USP45: variants seen among roughly 807,000 people sequenced by gnomAD.
The protein encoded by USP45 is ubiquitin specific peptidase 45, also known as ubiquitin carboxyl-terminal hydrolase 45.
In USP45, 89 loss-of-function variants were observed where a neutral mutation model predicts 95.8. The ratio of observed to expected loss-of-function variants is 0.93; its 90% CI spans 0.78 to 1.11. The LOEUF (loss-of-function observed/expected upper bound fraction) is 1.11. USP45 is among the 50% of genes least tolerant of loss of function. USP45 has a pLI of 0.00. For missense variants in USP45, 898 were observed against 942.5 expected, an observed-to-expected ratio of 0.95 and a Z score of 0.62; for synonymous variants, 281 against 316.2, an observed-to-expected ratio of 0.89 and a Z score of 1.18.
rs570946290 is a variant in USP45, at chr6:99,454,548, A to G, written c.1309-8085T>C. Among the ~76,000 whole-genome samples, 10 of 152,348 alleles carry G rather than the reference A, an allele frequency of 6.6e-5. No homozygotes were observed. The South Asian group carries it at 2.1e-3, about 32-fold the overall frequency. On this transcript the variant is annotated intron_variant, in intron 13 of 17. Transcript: ENST00000500704. ...AAAATATCTGCAAACTCTTCATCCT[A>G]TAAGGAACTAATGTTAGACATTTCC... is the stretch of plus-strand genomic sequence containing the variant.
chr6:99,481,471 C>T (rs1792401487), intron 8 of USP45, among the ~76,000 whole-genome samples: 2 of 152,252 alleles, frequency 1.3e-5, no homozygotes, highest in South Asian at 2.1e-4. Flanking sequence ...AAGTCAGAAA[C>T]AAATTTCTAA....
At chr6:99,453,137 T>C (rs1784262640) in intron 13 of USP45, among the ~76,000 whole-genome samples, 1 of 143,608 alleles carries the variant, frequency 7.0e-6, no homozygotes, top group Non-Finnish European at 1.5e-5. Context: ...GTAACAAACC[T>C]GCACGTTGTG....
chr6:99,453,654 A>G (rs1419519555), intron 13 of USP45, among the ~76,000 whole-genome samples: 1 of 152,236 alleles, frequency 6.6e-6, no homozygotes, highest in Non-Finnish European at 1.5e-5. Context: ...AGAAAAAACA[A>G]TCCTAAAATA....
chr6:99,455,568 A>G (rs1380147445), intron 13 of USP45, among the ~76,000 whole-genome samples: 2 of 152,158 alleles, frequency 1.3e-5, no homozygotes, highest in East Asian at 3.8e-4. Flanking sequence ...TCAAAAGGAT[A>G]CTTGCACCCC....
At position 99,510,185 on chromosome 6, in the gene USP45, C is replaced by G; in HGVS notation, c.36G>C (p.Glu12Asp). The change falls in exon 2 of 18, where the codon GAG becomes GAC. Residue 12 changes from glutamate to aspartate, a missense_variant. Coordinates refer to ENST00000500704, the MANE Select transcript of USP45 (RefSeq NM_001346022.3). ...RVKDPTKALP[E>D]KAKRSKRPTV... The stretch of plus-strand genomic sequence containing the variant: ...TAGGCCTTTTACTTCTTTTGGCTTT[C>G]TCAGGTAAAGCTTTAGTTGGATCTT... The G allele has an allele frequency of 6.2e-6, 10 of 1,613,954 alleles. No individual in the cohort carries two copies. The highest frequency in any genetic ancestry group is 7.6e-6 in the Non-Finnish European group (9 of 1,179,904).
intron 9 of USP45, 99 bp downstream of exon 9, chr6:99,476,044 T>C: frequency 3.8e-6 from 4 of 1,064,566 alleles, no homozygotes; most frequent in South Asian, 1.5e-5. Context: ...CTGAAACTCC[T>C]GACCTCAGAT....
In USP45 at chr6:99,439,359, C is replaced by T. The variant is rs1171901489; in HGVS notation, c.2160+410G>A. ...GACAAGTACACCACTCTCAGTAGTA[C>T]ACATGAAGTGGCACGAAAGACAATT... On this transcript the variant is annotated intron_variant, in intron 16 of 17. Coordinates refer to ENST00000500704, the MANE Select transcript of USP45 (RefSeq NM_001346022.3). 2.0e-5 allele frequency among the ~76,000 whole-genome samples: 3 copies of T among 152,316 alleles called. No individual in the cohort carries two copies. The South Asian group carries it at 6.2e-4, about 32-fold the overall frequency.
intron 13 of USP45, among the ~76,000 whole-genome samples, chr6:99,460,266 A>G (rs1562338225): frequency 6.6e-6 from 1 of 152,198 alleles, no homozygotes; most frequent in Non-Finnish European, 1.5e-5. Flanking sequence ...TTATTAAAAG[A>G]TGCAAGGAGC....
chr6:99,509,985 T>C, intron 2 of USP45, 136 bp downstream of exon 2: 1 of 668,072 alleles, frequency 1.5e-6, no homozygotes, highest in Admixed American at 2.5e-5. Context: ...AAGAATAGTG[T>C]ATTTTCCATC....
Position 99,508,729 on chromosome 6 carries a change from T to C in USP45, c.154A>G (p.Arg52Gly). Residue 52 changes from arginine to glycine, a missense_variant, in exon 3 of 18, where the codon AGA becomes GGA. Arg to Gly is a moderately radical substitution (Grantham distance 125, BLOSUM62 -2). Transcript: ENST00000500704. Reference protein sequence around the residue: ...SHAISVNHVKRAIAENLWSVC... With the variant: ...SHAISVNHVKGAIAENLWSVC... ...GACCACAGATTCTCAGCTATTGCTC[T>C]CTTTACATGATTCACGCTGATAGCA... The C allele has an allele frequency of 6.2e-7, 1 of 1,613,746 alleles. No individual in the cohort carries two copies. Among genetic ancestry groups the C allele is most frequent in the Non-Finnish European group, 8.5e-7 (1 of 1,179,904 alleles).
In USP45 at chr6:99,432,521, T is replaced by C. The variant is rs1779860873; in HGVS notation, c.*3195A>G. ...AACGCTCAATAAGTTACACAGCTGTTTTCTAGAAACATGGCAAAAGAAAAA... is the reference window on the plus strand; with the variant it reads ...AACGCTCAATAAGTTACACAGCTGTCTTCTAGAAACATGGCAAAAGAAAAA... On this transcript the variant is annotated 3_prime_UTR_variant, in exon 18 of 18. Transcript: ENST00000500704. The C allele has an allele frequency of 6.6e-6, 1 of 152,180 alleles. No individual in the cohort carries two copies. Among genetic ancestry groups the C allele is most frequent in the Non-Finnish European group, 1.5e-5 (1 of 68,038 alleles). 9.4% of individuals were successfully genotyped at this position (152,180 alleles called of 1,614,324 possible).
At chr6:99,500,370 C>T (rs570739668) in intron 5 of USP45, among the ~76,000 whole-genome samples, 1 of 152,184 alleles carries the variant, frequency 6.6e-6, no homozygotes, top group East Asian at 1.9e-4. Context: ...GTGATCTGCC[C>T]GACTTGGGCT....
At chr6:99,500,773 T>C (rs1322690802) in intron 5 of USP45, among the ~76,000 whole-genome samples, 2 of 152,194 alleles carry the variant, frequency 1.3e-5, no homozygotes, top group Non-Finnish European at 2.9e-5. Context: ...CTACGACTAG[T>C]ATGCCTGCTG....
chr6:99,454,153 T>C (rs973823563), intron 13 of USP45, among the ~76,000 whole-genome samples: 1 of 151,724 alleles, frequency 6.6e-6, no homozygotes, highest in Non-Finnish European at 1.5e-5. Context: ...AATAAAGAAA[T>C]CCACATACTT....
chr6:99,510,572 T>C (rs1420007493), intron 1 of USP45, among the ~76,000 whole-genome samples: 4 of 152,166 alleles, frequency 2.6e-5, no homozygotes, highest in African/African-American at 9.7e-5. Flanking sequence ...CCCTCATGAA[T>C]GAGACTGGCC....
In USP45 at chr6:99,503,452, C is replaced by T. The variant is rs533187003; in HGVS notation, c.478+313G>A. 1.1e-3 allele frequency among the ~76,000 whole-genome samples: 170 copies of T among 152,126 alleles called. 1 individual carries two copies. Among genetic ancestry groups the T allele is most frequent in the Non-Finnish European group, 1.4e-3 (96 of 67,990 alleles). On this transcript the variant is annotated intron_variant, in intron 5 of 17. Transcript: ENST00000500704. Reference sequence around the variant, plus strand: ...GTTCAAGCGATTCTCCTGTCTCAGCCTCCCGAGTAGCTGGGATTACAGGCA... The same window carrying T: ...GTTCAAGCGATTCTCCTGTCTCAGCTTCCCGAGTAGCTGGGATTACAGGCA...
rs1780084224 is a variant in USP45 at position 99,433,946 on chromosome 6, T to G, written c.*1770A>C. On this transcript the variant is annotated 3_prime_UTR_variant, in exon 18 of 18. Coordinates refer to ENST00000500704, the MANE Select transcript of USP45 (RefSeq NM_001346022.3). ...CTCTTACCAAGATGGCTGACTTGAA[T>G]AAAGACAGTCAATATTTTTCAAAAA... 2 of 152,196 alleles carry G rather than the reference T, an allele frequency of 1.3e-5. No individual in the cohort carries two copies. The highest frequency in any genetic ancestry group is 4.1e-4 in the South Asian group (2 of 4,834). 9.4% of individuals were successfully genotyped at this position (152,196 alleles called of 1,614,324 possible). A position where few individuals can be genotyped will look rare whatever the true frequency, so the allele number is the denominator to read the frequency against.
chr6:99,491,668 A>G lies in USP45; in HGVS notation c.479-2848T>C, dbSNP rs934423696. ...AATTCTCTTCAGTGATTTATGTACAATGAGAAGAATTATAAAAGACAGTAG... is the reference window on the plus strand; with the variant it reads ...AATTCTCTTCAGTGATTTATGTACAGTGAGAAGAATTATAAAAGACAGTAG... On this transcript the variant is annotated intron_variant, in intron 5 of 17. Coordinates refer to ENST00000500704, the MANE Select transcript of USP45 (RefSeq NM_001346022.3). Among the ~76,000 whole-genome samples, 7 of 152,326 alleles carry G rather than the reference A, an allele frequency of 4.6e-5. No homozygotes were observed. The South Asian group carries it at 1.2e-3, about 27-fold the overall frequency.
chr6:99,482,147 G>T (rs1792583773), intron 8 of USP45: 1 of 152,126 alleles, frequency 6.6e-6, no homozygotes, highest in African/African-American at 2.4e-5. Flanking sequence ...GTTCCATGAG[G>T]ACAGGGTGCA....
Sources: gnomAD v4.1 joint callset for allele counts (sites outside exome capture counted in the v4.1 genomes callset) on GRCh38, gnomAD v4.1.1 for gene constraint, MANE v1.5 for transcripts, NCBI Gene and HGNC (gene_info 2026-07-23, HGNC 2026-07-21) for gene names.